CDH13: variants seen among roughly 807,000 people sequenced by gnomAD.
CDH13 encodes the protein cadherin-13.
Under a neutral mutation model 63.8 loss-of-function variants are expected in CDH13, and 24 were observed. The ratio of observed to expected loss-of-function variants is 0.38; its 90% CI spans 0.27 to 0.53. CDH13 has a LOEUF of 0.53. Among genes scored for constraint, CDH13 ranks in the 20% least tolerant of loss-of-function variants. The probability of loss-of-function intolerance (pLI) is 0.85; values close to 1 mark genes in which losing one functional copy is unlikely to be tolerated. For missense variants in CDH13, 1,049 were observed against 903.1 expected, an observed-to-expected ratio of 1.16 and a Z score of -2.07; for synonymous variants, 503 against 355.3, an observed-to-expected ratio of 1.42 and a Z score of -4.67.
At chr16:83,613,156 C>T (rs1187792690) in intron 8 of CDH13, among the ~76,000 whole-genome samples, 2 of 152,194 alleles carry the variant, frequency 1.3e-5, no homozygotes, top group East Asian at 1.9e-4. Flanking sequence ...AAAAGGTCAG[C>T]TGTCAGTGTT....
At chr16:83,316,117 G>A (rs899177795) in intron 5 of CDH13, among the ~76,000 whole-genome samples, 3 of 151,730 alleles carry the variant, frequency 2.0e-5, no homozygotes, top group Non-Finnish European at 4.4e-5. Flanking sequence ...AAAAGGGGAA[G>A]AGCCCCTGAT....
intron 7 of CDH13, among the ~76,000 whole-genome samples, chr16:83,577,718 T>TCC (rs994043557): frequency 6.6e-6 from 1 of 152,042 alleles, no homozygotes; most frequent in African/African-American, 2.4e-5. Flanking sequence ...TTGTGATACA[T>TCC]CCCCCTCGAA....
chr16:83,767,883 A>G (rs892826877), intron 11 of CDH13, among the ~76,000 whole-genome samples: 7 of 152,148 alleles, frequency 4.6e-5, no homozygotes, highest in Non-Finnish European at 5.9e-5. Flanking sequence ...CCCAAGGTTT[A>G]TTTTTGGGGG....
chr16:82,902,108 C>T (rs1234921470), intron 2 of CDH13, among the ~76,000 whole-genome samples: 1 of 152,120 alleles, frequency 6.6e-6, no homozygotes, highest in South Asian at 2.1e-4. Context: ...TTTAATTTGC[C>T]CATTTTAAAG....
chr16:83,088,907 A>G (rs560173596), intron 3 of CDH13, among the ~76,000 whole-genome samples: 1 of 152,352 alleles, frequency 6.6e-6, no homozygotes, highest in African/African-American at 2.4e-5. Context: ...GTTTTTGTCA[A>G]TAAAGCTTTA....
intron 10 of CDH13, among the ~76,000 whole-genome samples, chr16:83,718,724 T>C (rs1340477810): frequency 6.6e-6 from 1 of 152,272 alleles, no homozygotes; most frequent in African/African-American, 2.4e-5. Context: ...TGGCCCACAC[T>C]CTTGTTTTTT....
chr16:83,778,758 C>G (rs951022127), intron 11 of CDH13, among the ~76,000 whole-genome samples: 1 of 152,132 alleles, frequency 6.6e-6, no homozygotes, highest in Non-Finnish European at 1.5e-5. Flanking sequence ...TCTGTCCTGT[C>G]CAGCAGGGTC....
chr16:83,021,913 A>G (rs1274866314), intron 2 of CDH13, among the ~76,000 whole-genome samples: 1 of 152,190 alleles, frequency 6.6e-6, no homozygotes, highest in African/African-American at 2.4e-5. Context: ...GTGCTTCTTG[A>G]TTCACTCATG....
chr16:83,444,914 A>G (rs1327851930), intron 6 of CDH13, among the ~76,000 whole-genome samples: 2 of 4,688 alleles, frequency 4.3e-4, no homozygotes, highest in Admixed American at 2.1e-3. Context: ...CCAAAAATGG[A>G]CCAAAATGCC....
At chr16:83,364,998 G>C (rs910321867) in intron 6 of CDH13, among the ~76,000 whole-genome samples, 14 of 152,166 alleles carry the variant, frequency 9.2e-5, no homozygotes, top group African/African-American at 3.4e-4. Flanking sequence ...GTTGATAGGT[G>C]CAGCAAACCA....
chr16:83,035,679 G>T (rs1351004613), intron 3 of CDH13, among the ~76,000 whole-genome samples: 1 of 152,194 alleles, frequency 6.6e-6, no homozygotes, highest in East Asian at 1.9e-4. Flanking sequence ...ATTGTGCATA[G>T]TTGGGAGGGT....
chr16:83,350,935 C>G (rs893191382), intron 6 of CDH13, among the ~76,000 whole-genome samples: 3 of 152,194 alleles, frequency 2.0e-5, no homozygotes, highest in Non-Finnish European at 4.4e-5. Flanking sequence ...GCCAGCCGAT[C>G]AAGTCGCCTT....
At chr16:82,658,978 A>T (rs1911620271) in intron 1 of CDH13, among the ~76,000 whole-genome samples, 1 of 152,152 alleles carries the variant, frequency 6.6e-6, no homozygotes, top group African/African-American at 2.4e-5. Flanking sequence ...AGCTGACTCT[A>T]TGTCTTGTGC....
chr16:82,631,649 C>T (rs1411314601), intron 1 of CDH13, among the ~76,000 whole-genome samples: 1 of 152,208 alleles, frequency 6.6e-6, no homozygotes, highest in Non-Finnish European at 1.5e-5. Context: ...CAGGTATGAA[C>T]AGGCTGCACA....
At chr16:83,668,142 C>T (rs1214738100) in intron 8 of CDH13, among the ~76,000 whole-genome samples, 1 of 152,176 alleles carries the variant, frequency 6.6e-6, no homozygotes, top group Non-Finnish European at 1.5e-5. Flanking sequence ...GTCAACAAGT[C>T]AGTCCCTCTT....
chr16:82,903,638 C>T (rs751822359), intron 2 of CDH13, among the ~76,000 whole-genome samples: 10 of 152,262 alleles, frequency 6.6e-5, no homozygotes, highest in Admixed American at 6.5e-5. Flanking sequence ...GTTTAATTGC[C>T]GTGGAAACTT....
intron 1 of CDH13, among the ~76,000 whole-genome samples, chr16:82,769,000 A>G (rs767290856): frequency 1.3e-5 from 2 of 152,228 alleles, no homozygotes; most frequent in Non-Finnish European, 2.9e-5. Flanking sequence ...TTAAAAAGAC[A>G]GCTGGCAAGA....
intron 7 of CDH13, among the ~76,000 whole-genome samples, chr16:83,496,590 C>T (rs1166294806): frequency 1.3e-5 from 2 of 152,194 alleles, no homozygotes; most frequent in African/African-American, 2.4e-5. Flanking sequence ...CCATTCAGGA[C>T]ATAGGCATGG....
intron 6 of CDH13, among the ~76,000 whole-genome samples, chr16:83,466,984 G>A (rs140993112): frequency 6.6e-6 from 1 of 152,120 alleles, no homozygotes; most frequent in African/African-American, 2.4e-5. Flanking sequence ...GATAGTCTCT[G>A]CTTTATGTAT....
Sources: allele counts gnomAD v4.1 joint callset (sites outside exome capture counted in the v4.1 genomes callset), GRCh38; gene constraint gnomAD v4.1.1; transcripts MANE v1.5; gene names NCBI Gene and HGNC (gene_info 2026-07-23, HGNC 2026-07-21).